The following ACER3 variants were observed in gnomAD, a reference collection of about 807,000 sequenced individuals.
ACER3 encodes the protein alkCDase 3.
A neutral mutation model predicts 48.9 loss-of-function variants in ACER3; 16 were observed. That is an observed-to-expected ratio of 0.33 (90% CI 0.22 to 0.50). The LOEUF is 0.50. Ranked by LOEUF, ACER3 falls within the 20% of genes least tolerant of loss-of-function variation. The pLI is 0.98. For synonymous variants in ACER3, 109 were observed against 107.8 expected (o/e 1.01, Z -0.07); for missense variants, 227 against 326.0 (o/e 0.70, Z 2.34).
At chr11:76,876,271 A>G (rs1421463092) in intron 1 of ACER3, among the ~76,000 whole-genome samples, 1 of 147,978 alleles carries the variant, frequency 6.8e-6, no homozygotes, top group Admixed American at 6.7e-5. Flanking sequence ...CACTGTTCTG[A>G]TTTTTTTTTT....
At chr11:76,905,151 CAT>C (rs1166394380) in intron 1 of ACER3, among the ~76,000 whole-genome samples, 3 of 151,976 alleles carry the variant, frequency 2.0e-5, no homozygotes, top group South Asian at 2.1e-4. Flanking sequence ...CACACCTGGC[CAT>C]GTGTGTGTAT....
chr11:76,892,683 A>G (rs942740918), intron 1 of ACER3, among the ~76,000 whole-genome samples: 1 of 152,064 alleles, frequency 6.6e-6, no homozygotes. Flanking sequence ...AGATTTGGGA[A>G]TTTTTTTTAA....
At chr11:76,935,762 G>A (rs1034506602) in intron 2 of ACER3, among the ~76,000 whole-genome samples, 2 of 152,184 alleles carry the variant, frequency 1.3e-5, no homozygotes, top group Non-Finnish European at 2.9e-5. Flanking sequence ...GTAGCTGCTA[G>A]TCATATGTTG....
At chr11:77,014,860 C>A (rs1555022931) in intron 7 of ACER3, among the ~76,000 whole-genome samples, 156 bp from the exon 8 acceptor site, 1 of 152,174 alleles carries the variant, frequency 6.6e-6, no homozygotes, top group South Asian at 2.1e-4. Flanking sequence ...CTGGAATGTA[C>A]AATGATCACA....
chr11:76,965,782 C>T (rs1198522206), intron 3 of ACER3, among the ~76,000 whole-genome samples: 1 of 151,182 alleles, frequency 6.6e-6, no homozygotes, highest in Non-Finnish European at 1.5e-5. Context: ...ACCACCAGCC[C>T]TGCCCTAAAA....
intron 2 of ACER3, among the ~76,000 whole-genome samples, chr11:76,942,623 A>C (rs1293650472): frequency 6.6e-6 from 1 of 151,996 alleles, no homozygotes; most frequent in Non-Finnish European, 1.5e-5. Context: ...TATGTTCATC[A>C]GAGATATTGG....
intron 3 of ACER3, among the ~76,000 whole-genome samples, chr11:76,976,069 T>G (rs552631548): frequency 6.6e-6 from 1 of 152,138 alleles, no homozygotes; most frequent in African/African-American, 2.4e-5. Context: ...AAAGTTTTTG[T>G]AGAGACAGGA....
intron 1 of ACER3, among the ~76,000 whole-genome samples, chr11:76,919,075 C>T (rs897211856): frequency 6.6e-6 from 1 of 152,204 alleles, no homozygotes; most frequent in African/African-American, 2.4e-5. Flanking sequence ...GACGGCTTTT[C>T]ACAGTGGAAG....
At chr11:76,951,545 A>G (rs1947669569) in intron 2 of ACER3, among the ~76,000 whole-genome samples, 1 of 152,174 alleles carries the variant, frequency 6.6e-6, no homozygotes, top group Admixed American at 6.5e-5. Context: ...AAATGTGGAG[A>G]TGTGACTGAG....
intron 3 of ACER3, among the ~76,000 whole-genome samples, chr11:76,973,857 A>T (rs566245146): frequency 2.0e-5 from 3 of 152,290 alleles, no homozygotes; most frequent in African/African-American, 7.2e-5. Context: ...CTAAGAGTAT[A>T]GGTCTTACAT....
At position 76,959,043 on chromosome 11, in the gene ACER3, T is replaced by C. The variant is rs1947915852; in HGVS notation, c.267+12T>C. ...AATATGAAATGCAGGTTAGTAATGA[T>C]GAAATTGACAAATGCTTATTTCTCT... On this transcript the variant is annotated intron_variant, in intron 3 of 10. Coordinates refer to ENST00000532485, the MANE Select transcript of ACER3 (RefSeq NM_018367.7). The C allele has an allele frequency of 6.2e-7, 1 of 1,613,764 alleles. No individual in the cohort carries two copies. Among genetic ancestry groups the C allele is most frequent in the African/African-American group, 1.3e-5 (1 of 74,934 alleles).
intron 3 of ACER3, among the ~76,000 whole-genome samples, chr11:76,972,650 C>T (rs989393509): frequency 1.1e-4 from 17 of 152,152 alleles, no homozygotes; most frequent in Non-Finnish European, 2.1e-4. Flanking sequence ...ATGCCAGATC[C>T]ACTCTATGCT....
chr11:76,976,259 A>G, intron 3 of ACER3, 30 bp from the exon 4 acceptor site: 1 of 1,537,778 alleles, frequency 6.5e-7, no homozygotes, highest in Middle Eastern at 1.7e-4. Context: ...CATGATATTC[A>G]AGCCTGTTAT....
intron 1 of ACER3, among the ~76,000 whole-genome samples, chr11:76,889,450 A>C (rs1252140637): frequency 6.6e-6 from 1 of 152,186 alleles, no homozygotes; most frequent in Non-Finnish European, 1.5e-5. Flanking sequence ...CTTTTAGCCA[A>C]GGGTTTATTT....
chr11:76,916,476 A>G (rs1026705474), intron 1 of ACER3, among the ~76,000 whole-genome samples: 2 of 152,186 alleles, frequency 1.3e-5, no homozygotes, highest in Non-Finnish European at 1.5e-5. Context: ...ATTTAGTGAA[A>G]AGAGATCTGT....
intron 1 of ACER3, among the ~76,000 whole-genome samples, chr11:76,884,527 T>G (rs1945624590): frequency 6.6e-6 from 1 of 152,198 alleles, no homozygotes; most frequent in Non-Finnish European, 1.5e-5. Context: ...ATTGTGATGT[T>G]AAAGTCTTCT....
chr11:76,928,932 T>C (rs955497613), intron 2 of ACER3, among the ~76,000 whole-genome samples: 1 of 152,238 alleles, frequency 6.6e-6, no homozygotes, highest in African/African-American at 2.4e-5. Flanking sequence ...TAGGATTGAC[T>C]TGGCAATGCG....
chr11:76,986,131 C>T (rs1470903836), intron 5 of ACER3, among the ~76,000 whole-genome samples: 3 of 152,158 alleles, frequency 2.0e-5, no homozygotes, highest in East Asian at 1.9e-4. Context: ...TCTAATTCTA[C>T]ATTAATGCTT....
At chr11:76,988,446 C>T (rs776308912) in intron 5 of ACER3, among the ~76,000 whole-genome samples, 4 of 152,116 alleles carry the variant, frequency 2.6e-5, no homozygotes, top group Non-Finnish European at 5.9e-5. Context: ...AACAAATCAT[C>T]GTGGAAGGTG....
Sources: allele counts gnomAD v4.1 joint callset (sites outside exome capture counted in the v4.1 genomes callset), GRCh38; gene constraint gnomAD v4.1.1; transcripts MANE v1.5; gene names NCBI Gene and HGNC (gene_info 2026-07-23, HGNC 2026-07-21).